SLC25A44: variants seen among roughly 807,000 people sequenced by gnomAD.
SLC25A44 encodes solute carrier family 25, member 44.
In SLC25A44, 17 loss-of-function variants were observed where a neutral mutation model predicts 29.9. The observed-to-expected ratio is 0.57, with a 90% confidence interval of 0.39 to 0.85. SLC25A44 has a LOEUF of 0.85. SLC25A44 is among the 40% of genes least tolerant of loss of function. The pLI, the probability that SLC25A44 is intolerant of heterozygous loss-of-function variation, is 0.00. For missense variants in SLC25A44, 302 were observed against 398.4 expected (o/e 0.76, Z 2.06); for synonymous variants, 140 against 151.8 (o/e 0.92, Z 0.57).
At chr1:156,201,648 TTTC>T (rs1238875890) in intron 2 of SLC25A44, among the ~76,000 whole-genome samples, 6 of 152,118 alleles carry the variant, frequency 3.9e-5, no homozygotes, top group African/African-American at 1.4e-4. Context: ...TCTTCTTTTG[TTTC>T]TTCTTCCTTT....
At position 156,210,496 on chromosome 1, in the gene SLC25A44, GACA is replaced by G; in HGVS notation, c.*66_*68del. ...CGTGGGTCAGGGGCAGAGTGGAGAG[GACA>G]GCACCCTCTCCAGGTGCTCCCACCA... On this transcript the variant is annotated 3_prime_UTR_variant, in exon 4 of 4. Coordinates refer to ENST00000359511, the MANE Select transcript of SLC25A44 (RefSeq NM_014655.4). 8.0e-7 allele frequency: 1 copy of G among 1,249,786 alleles called. No individual in the cohort carries two copies. Among genetic ancestry groups the G allele is most frequent in the Non-Finnish European group, 1.1e-6 (1 of 915,762 alleles). The allele number at this position is 1,249,786 out of a possible 1,614,324, so 77.4% of individuals were successfully genotyped here.
At position 156,210,519 on chromosome 1, in the gene SLC25A44, C is replaced by G; in HGVS notation, c.*88C>G. 1.1e-6 allele frequency: 1 copy of G among 939,344 alleles called. No homozygotes were observed. Among genetic ancestry groups the G allele is most frequent in the Non-Finnish European group, 1.5e-6 (1 of 649,664 alleles). The allele number at this position is 939,344 out of a possible 1,614,324, so 58.2% of individuals were successfully genotyped here. Reference sequence around the variant, plus strand: ...AGGACAGCACCCTCTCCAGGTGCTCCCACCACACACCCAGCCCTGCCCTGG... The same window carrying G: ...AGGACAGCACCCTCTCCAGGTGCTCGCACCACACACCCAGCCCTGCCCTGG... On this transcript the variant is annotated 3_prime_UTR_variant, in exon 4 of 4. Coordinates refer to ENST00000359511, the MANE Select transcript of SLC25A44 (RefSeq NM_014655.4).
chr1:156,211,056 T>TGTGTGTG lies in SLC25A44; in HGVS notation c.*625_*626insGTGTGTG, dbSNP rs1657274475. On this transcript the variant is annotated 3_prime_UTR_variant, in exon 4 of 4. Transcript: ENST00000359511. ...TGGGAGAAATGTTGATACTTTTGTT[T>TGTGTGTG]TGTGTGTGTGTGTGTGTGTGTGTGT... is the stretch of plus-strand genomic sequence containing the variant. The TGTGTGTG allele has an allele frequency of 7.2e-6, 1 of 138,864 alleles. No individual in the cohort carries two copies. Among genetic ancestry groups the TGTGTGTG allele is most frequent in the Non-Finnish European group, 1.6e-5 (1 of 64,456 alleles). 8.6% of individuals were successfully genotyped at this position (138,864 alleles called of 1,614,324 possible).
intron 2 of SLC25A44, among the ~76,000 whole-genome samples, chr1:156,200,844 T>TA (rs1175088198): frequency 6.8e-6 from 1 of 148,102 alleles, no homozygotes; most frequent in Non-Finnish European, 1.5e-5. Flanking sequence ...TTTTTTTTTT[T>TA]TTTTTTTTTG....
In SLC25A44 at chr1:156,211,102, T is replaced by TGTG. The variant is rs1436414611; in HGVS notation, c.*671_*672insGTG. On this transcript the variant is annotated 3_prime_UTR_variant, in exon 4 of 4. Transcript: ENST00000359511. ...TGTGTGTGTGTGTGTGTGTGTGTGTTTTAACATCTGTGAACCAGGCTATTA... is the reference window on the plus strand; with the variant it reads ...TGTGTGTGTGTGTGTGTGTGTGTGTTGTGTTAACATCTGTGAACCAGGCTATTA... The TGTG allele has an allele frequency of 4.3e-5, 4 of 93,142 alleles. No individual in the cohort carries two copies. The highest frequency in any genetic ancestry group is 8.3e-5 in the African/African-American group (2 of 24,004). The allele number at this position is 93,142 out of a possible 1,614,324, so 5.8% of individuals were successfully genotyped here.
At position 156,210,832 on chromosome 1, in the gene SLC25A44, AGCT is replaced by A. The variant is rs1360002235; in HGVS notation, c.*405_*407del. The A allele has an allele frequency of 6.5e-6, 1 of 153,076 alleles. No homozygotes were observed. Among genetic ancestry groups the A allele is most frequent in the African/African-American group, 2.4e-5 (1 of 41,384 alleles). 9.5% of individuals were successfully genotyped at this position (153,076 alleles called of 1,614,324 possible). A position where few individuals can be genotyped will look rare whatever the true frequency, so the allele number is the denominator to read the frequency against. Reference sequence around the variant, plus strand: ...TGGGCTTTCAGCCCAGACTCCAAGCAGCTGCTATCAACCCTCTCTCCCTTCATC... The same window carrying A: ...TGGGCTTTCAGCCCAGACTCCAAGCAGCTATCAACCCTCTCTCCCTTCATC... On this transcript the variant is annotated 3_prime_UTR_variant, in exon 4 of 4. Transcript: ENST00000359511.
intron 1 of SLC25A44, among the ~76,000 whole-genome samples, chr1:156,195,384 C>T (rs909510789): frequency 1.3e-5 from 2 of 152,038 alleles, no homozygotes; most frequent in African/African-American, 2.4e-5. Flanking sequence ...ATTATAGGCC[C>T]GGCCTCACCT....
At position 156,203,786 on chromosome 1, in the gene SLC25A44, C is replaced by A. The variant is rs1488157289; in HGVS notation, c.625+3314C>A. The stretch of plus-strand genomic sequence containing the variant: ...TGGCGCGATCTCGGCTCACTGCAAG[C>A]CCCGCCTCCTGGGTTCACGCCGTTT... On this transcript the variant is annotated intron_variant, in intron 2 of 3. Transcript: ENST00000359511. 2.0e-5 allele frequency among the ~76,000 whole-genome samples: 3 copies of A among 147,696 alleles called. No individual in the cohort carries two copies. The South Asian group carries it at 6.4e-4, about 32-fold the overall frequency.
At chr1:156,208,047 G>A in intron 3 of SLC25A44, 34 bp downstream of exon 3, 1 of 1,607,048 alleles carries the variant, frequency 6.2e-7, no homozygotes, top group Non-Finnish European at 8.5e-7. Flanking sequence ...CCTCCTCCTG[G>A]AGAAGCCATT....
chr1:156,208,055 A>C, intron 3 of SLC25A44, 42 bp downstream of exon 3: 1 of 1,594,466 alleles, frequency 6.3e-7, no homozygotes, highest in Non-Finnish European at 8.6e-7. Flanking sequence ...TGGAGAAGCC[A>C]TTAGAAGCAT....
chr1:156,196,358 C>T (rs1006423557), intron 1 of SLC25A44: 4 of 152,178 alleles, frequency 2.6e-5, no homozygotes, highest in African/African-American at 9.7e-5. Context: ...TGGCTTATCC[C>T]TCTAAGGCAT....
chr1:156,207,371 G>A (rs1441294000), intron 2 of SLC25A44, among the ~76,000 whole-genome samples: 1 of 152,122 alleles, frequency 6.6e-6, no homozygotes, highest in Non-Finnish European at 1.5e-5. Context: ...AGTAGAGACG[G>A]GGTTTCACCA....
chr1:156,210,088 T>C (rs1657194880), intron 3 of SLC25A44, 152 bp from the exon 4 acceptor site: 1 of 463,792 alleles, frequency 2.2e-6, no homozygotes. Context: ...GGGCTCATAC[T>C]AAATCACTGT....
At chr1:156,209,010 G>A (rs150820133) in intron 3 of SLC25A44, among the ~76,000 whole-genome samples, 1 of 152,326 alleles carries the variant, frequency 6.6e-6, no homozygotes, top group Non-Finnish European at 1.5e-5. Flanking sequence ...GGTGAGGGGA[G>A]GAGGGAAGGA....
chr1:156,211,059 TGTG>T lies in SLC25A44; in HGVS notation c.*629_*631del, dbSNP rs1657279531. 1 of 104,622 alleles carries T rather than the reference TGTG, an allele frequency of 9.6e-6. No homozygotes were observed. The highest frequency in any genetic ancestry group is 5.6e-5 in the African/African-American group (1 of 17,932). The allele number at this position is 104,622 out of a possible 1,614,324, so 6.5% of individuals were successfully genotyped here. On this transcript the variant is annotated 3_prime_UTR_variant, in exon 4 of 4. Transcript: ENST00000359511. ...GAGAAATGTTGATACTTTTGTTTTG[TGTG>T]TGTGTGTGTGTGTGTGTGTGTGTGT...
At chr1:156,203,761 T>C (rs1371856204) in intron 2 of SLC25A44, among the ~76,000 whole-genome samples, 2 of 143,678 alleles carry the variant, frequency 1.4e-5, no homozygotes, top group African/African-American at 5.3e-5. Flanking sequence ...TGGAGTGCAG[T>C]GGCGCGATCT....
Position 156,210,300 on chromosome 1 carries a change from T to TGGGGCCTC in SLC25A44, c.815_822dup (p.Met275GlyfsTer4), listed in dbSNP as rs1231819857. On this transcript the variant is annotated frameshift_variant, in exon 4 of 4. Transcript: ENST00000359511. LOFTEE classifies it high-confidence loss of function. ...ACAGCTGATGGCAGAAGAAGGGCCT[T>TGGGGCCTC]GGGGCCTCATGAAGGGCCTCTCGGC... 1.9e-6 allele frequency: 3 copies of TGGGGCCTC among 1,606,020 alleles called. No individual in the cohort carries two copies. Among genetic ancestry groups the TGGGGCCTC allele is most frequent in the Non-Finnish European group, 1.7e-6 (2 of 1,176,448 alleles).
chr1:156,199,942 G>A lies in SLC25A44; in HGVS notation c.95G>A (p.Arg32His), dbSNP rs772552065. ...GGTGTGGCAATGACAATGATGATCC[G>A]TGTCAGTGTCTACCCATTCACCCTC... ...VFGVAMTMMI[R>H]VSVYPFTLIR... Residue 32 changes from arginine (R) to histidine (H), a missense_variant, in exon 2 of 4, where the codon CGT (arginine) becomes CAT (histidine). By Grantham distance (29) the Arg-to-His change is conservative. Transcript: ENST00000359511. 11 of 1,614,174 alleles carry A rather than the reference G, an allele frequency of 6.8e-6. No homozygotes were observed. The highest frequency in any genetic ancestry group is 3.3e-5 in the South Asian group (3 of 91,086).
rs1291955274 is a variant in SLC25A44, at chr1:156,198,914, G to A, written c.-13-921G>A. The A allele has an allele frequency of 6.6e-6, 1 of 152,234 alleles. No individual in the cohort carries two copies. Among genetic ancestry groups the A allele is most frequent in the Non-Finnish European group, 1.5e-5 (1 of 68,056 alleles). 9.4% of individuals were successfully genotyped at this position (152,234 alleles called of 1,614,324 possible). On this transcript the variant is annotated intron_variant, in intron 1 of 3. Transcript: ENST00000359511. The surrounding 1 kb of genome is among the most constrained non-coding windows in gnomAD (Gnocchi z 4.1). ...TAGAGTTGAAAGCATGGGGTCCAAC[G>A]TGTTCTGTACTCTGTAGTTCCCCAG... is the stretch of plus-strand genomic sequence containing the variant.
Sources: allele counts gnomAD v4.1 joint callset (sites outside exome capture counted in the v4.1 genomes callset), GRCh38; gene constraint gnomAD v4.1.1; non-coding constraint Gnocchi (gnomAD v3.1); transcripts MANE v1.5; gene names NCBI Gene and HGNC (gene_info 2026-07-23, HGNC 2026-07-21).